SLIT3: variants seen among roughly 807,000 people sequenced by gnomAD.
SLIT3 encodes slit guidance ligand 3, also known as slit homolog 3 protein.
A neutral mutation model predicts 184.0 loss-of-function variants in SLIT3; 68 were observed. The observed-to-expected ratio is 0.37, with a 90% confidence interval of 0.30 to 0.45. SLIT3 has a LOEUF of 0.45. Among genes scored for constraint, SLIT3 ranks in the 20% least tolerant of loss-of-function variants. The pLI is 1.00. For synonymous variants in SLIT3, 831 were observed against 828.6 expected (o/e 1.00, Z -0.05); for missense variants, 1,707 against 2,026.0 (o/e 0.84, Z 3.02).
chr5:169,262,832 T>G (rs956465317), intron 1 of SLIT3, among the ~76,000 whole-genome samples: 4 of 152,214 alleles, frequency 2.6e-5, no homozygotes, highest in African/African-American at 9.6e-5. Context: ...GCTGTCTGTA[T>G]GCTGGCCTCA....
chr5:168,799,254 A>C (rs1329660620), intron 9 of SLIT3, among the ~76,000 whole-genome samples: 1 of 152,258 alleles, frequency 6.6e-6, no homozygotes, highest in African/African-American at 2.4e-5. Context: ...TGGAAAGGAC[A>C]AAAAGAAGCA....
intron 33 of SLIT3, among the ~76,000 whole-genome samples, chr5:168,672,488 G>A (rs1258660225): frequency 6.6e-6 from 1 of 152,098 alleles, no homozygotes; most frequent in Non-Finnish European, 1.5e-5. Context: ...TTTTGTTGTT[G>A]TTTTAAAGAC....
intron 4 of SLIT3, among the ~76,000 whole-genome samples, chr5:169,073,242 T>A (rs575939648): frequency 3.5e-4 from 53 of 152,218 alleles, no homozygotes; most frequent in African/African-American, 1.3e-3. Flanking sequence ...TCCAGAGGCA[T>A]TAGCACATTA....
intron 4 of SLIT3, among the ~76,000 whole-genome samples, chr5:169,052,146 C>T (rs1269002365): frequency 2.0e-5 from 3 of 151,760 alleles, no homozygotes; most frequent in African/African-American, 7.3e-5. Context: ...GCTCATATAC[C>T]CCCATCCCAC....
intron 4 of SLIT3, among the ~76,000 whole-genome samples, chr5:168,932,232 T>C (rs1762006343): frequency 1.3e-5 from 2 of 148,924 alleles, no homozygotes; most frequent in African/African-American, 5.0e-5. Context: ...TACCCATTCC[T>C]GACACAGTTT....
At chr5:168,853,400 A>G (rs1456692497) in intron 5 of SLIT3, among the ~76,000 whole-genome samples, 2 of 152,200 alleles carry the variant, frequency 1.3e-5, no homozygotes, top group Non-Finnish European at 2.9e-5. Context: ...GTAATGTACC[A>G]CCTAAAATAG....
chr5:169,025,180 A>C (rs557098919), intron 4 of SLIT3, among the ~76,000 whole-genome samples: 1 of 152,334 alleles, frequency 6.6e-6, no homozygotes, highest in East Asian at 1.9e-4. Flanking sequence ...TGCAGAGTTA[A>C]GAGAGGGGAT....
intron 7 of SLIT3, among the ~76,000 whole-genome samples, chr5:168,822,821 T>G (rs1757576509): frequency 6.6e-6 from 1 of 152,184 alleles, no homozygotes; most frequent in Non-Finnish European, 1.5e-5. Context: ...TCTCCTGTAC[T>G]GTCATTCCTC....
At chr5:169,005,310 C>G (rs1297196862) in intron 4 of SLIT3, among the ~76,000 whole-genome samples, 1 of 152,148 alleles carries the variant, frequency 6.6e-6, no homozygotes, top group Admixed American at 6.5e-5. Flanking sequence ...GTGACAGTAG[C>G]CTGAGCTGAC....
At chr5:168,763,882 C>T (rs921937303) in intron 14 of SLIT3, among the ~76,000 whole-genome samples, 3 of 152,186 alleles carry the variant, frequency 2.0e-5, no homozygotes, top group African/African-American at 4.8e-5. Flanking sequence ...CCTGAGTGTC[C>T]TGTACATGAG....
chr5:168,729,503 G>GA lies in SLIT3; in HGVS notation c.2271-5020dup, dbSNP rs763690219. ...TGATGGCATTTTCAAAGTGCTGAAA[G>GA]AAAAAAAAAAACTGTCAGCCCAGAA... On this transcript the variant is annotated intron_variant, in intron 20 of 35. Coordinates refer to ENST00000519560, the MANE Select transcript of SLIT3 (RefSeq NM_003062.4). Among the ~76,000 whole-genome samples, 877 of 142,662 alleles carry GA rather than the reference G, an allele frequency of 6.1e-3. 2 individuals are homozygous for GA. Among genetic ancestry groups the GA allele is most frequent in the Non-Finnish European group, 7.6e-3 (489 of 64,750 alleles). The allele number at this position is 142,662 out of a possible 152,430, so 93.6% of individuals were successfully genotyped here.
chr5:169,152,522 C>G (rs544124923), intron 4 of SLIT3, among the ~76,000 whole-genome samples: 22 of 152,294 alleles, frequency 1.4e-4, no homozygotes, highest in Admixed American at 8.5e-4. Flanking sequence ...GGCACCGCCT[C>G]GTGGGGATGA....
intron 4 of SLIT3, among the ~76,000 whole-genome samples, chr5:169,013,794 C>T (rs1267359770): frequency 1.3e-5 from 2 of 152,220 alleles, no homozygotes; most frequent in South Asian, 2.1e-4. Flanking sequence ...GCCCTCCAAA[C>T]CTACAGTTAC....
chr5:168,929,632 T>G (rs1490626677), intron 4 of SLIT3, among the ~76,000 whole-genome samples: 1 of 152,226 alleles, frequency 6.6e-6, no homozygotes, highest in African/African-American at 2.4e-5. Context: ...CCTTGGCTAA[T>G]CTGGAGGGAT....
chr5:169,279,061 T>C (rs927034077), intron 1 of SLIT3, among the ~76,000 whole-genome samples: 2 of 152,178 alleles, frequency 1.3e-5, no homozygotes, highest in African/African-American at 4.8e-5. Flanking sequence ...CTGTAATTCT[T>C]ACATGTAGGG....
At chr5:168,748,243 T>A (rs1754560157) in intron 20 of SLIT3, 59 bp downstream of exon 20, 1 of 1,430,228 alleles carries the variant, frequency 7.0e-7, no homozygotes, top group South Asian at 1.7e-5. Flanking sequence ...GGGTAAAGTA[T>A]GGAGGATGCT....
At chr5:168,846,830 A>C (rs1409647225) in intron 5 of SLIT3, among the ~76,000 whole-genome samples, 2 of 152,222 alleles carry the variant, frequency 1.3e-5, no homozygotes, top group Non-Finnish European at 2.9e-5. Flanking sequence ...CAGAAATCAA[A>C]CAGGAGACTC....
intron 4 of SLIT3, among the ~76,000 whole-genome samples, chr5:169,192,454 TG>T (rs1387541354): frequency 2.0e-5 from 3 of 151,534 alleles, no homozygotes; most frequent in African/African-American, 7.3e-5. Context: ...TGTGTGTGTG[TG>T]TATAGACATA....
At chr5:168,707,835 G>A in intron 26 of SLIT3, 141 bp downstream of exon 26, 1 of 961,000 alleles carries the variant, frequency 1.0e-6, no homozygotes, top group Non-Finnish European at 1.5e-6. Context: ...TGCTGCTTTG[G>A]AGTGGTGACC....
Sources: gnomAD v4.1 joint callset for allele counts (sites outside exome capture counted in the v4.1 genomes callset) on GRCh38, gnomAD v4.1.1 for gene constraint, MANE v1.5 for transcripts, NCBI Gene and HGNC (gene_info 2026-07-23, HGNC 2026-07-21) for gene names.